POFUT3: variants seen among roughly 807,000 people sequenced by gnomAD.
POFUT3 encodes GDP-fucose protein O-fucosyltransferase 3.
chr8:33,407,987 CAAAAAAAA>C, the POFUT3 span, among the ~76,000 whole-genome samples: 1 of 83,766 alleles, frequency 1.2e-5, no homozygotes. Flanking sequence ...GACTCCATCT[CAAAAAAAA>C]AAAAAAAAAA....
the POFUT3 span, among the ~76,000 whole-genome samples, chr8:33,380,054 A>G: frequency 1.4e-5 from 1 of 72,792 alleles, no homozygotes; most frequent in African/African-American, 8.1e-5. Context: ...TATATACACT[A>G]TATATATACA....
the POFUT3 span, among the ~76,000 whole-genome samples, chr8:33,312,340 C>T: frequency 1.3e-5 from 2 of 151,692 alleles, no homozygotes; most frequent in African/African-American, 2.4e-5. Context: ...CATGTGATGA[C>T]AGAGGCAGAG....
chr8:33,390,320 G>A, the POFUT3 span, among the ~76,000 whole-genome samples: 1 of 152,036 alleles, frequency 6.6e-6, no homozygotes, highest in Non-Finnish European at 1.5e-5. Context: ...ACCAAAGAGG[G>A]GGACTATCAT....
the POFUT3 span, among the ~76,000 whole-genome samples, chr8:33,342,185 A>AAAAAAATT: frequency 2.0e-5 from 3 of 152,064 alleles, no homozygotes; most frequent in African/African-American, 4.8e-5. Flanking sequence ...TTTGTCTCAA[A>AAAAAAATT]AAAAAATTAA....
chr8:33,453,538 G>A, the POFUT3 span: 2 of 1,537,374 alleles, frequency 1.3e-6, no homozygotes, highest in Non-Finnish European at 1.8e-6. Flanking sequence ...TATTATCAGT[G>A]TCAAACTGTT....
the POFUT3 span, among the ~76,000 whole-genome samples, chr8:33,416,123 A>G: frequency 1.3e-5 from 2 of 152,248 alleles, no homozygotes; most frequent in South Asian, 2.1e-4. Flanking sequence ...CAAAATTAAG[A>G]GCAATATAAC....
At chr8:33,430,951 G>A in the POFUT3 span, among the ~76,000 whole-genome samples, 4 of 151,964 alleles carry the variant, frequency 2.6e-5, no homozygotes, top group African/African-American at 9.7e-5. Flanking sequence ...TGTATACTGT[G>A]GCAGACACTA....
the POFUT3 span, among the ~76,000 whole-genome samples, chr8:33,309,244 C>T: frequency 7.6e-6 from 1 of 130,894 alleles, no homozygotes; most frequent in African/African-American, 2.8e-5. Context: ...TTGCAAGTTG[C>T]TTATTACATC....
the POFUT3 span, chr8:33,389,792 T>A: frequency 6.2e-7 from 1 of 1,608,080 alleles, no homozygotes; most frequent in Non-Finnish European, 8.5e-7. Context: ...TATGTTAAAG[T>A]CAGTACCTAG....
chr8:33,326,851 C>T, the POFUT3 span, among the ~76,000 whole-genome samples: 16 of 152,292 alleles, frequency 1.1e-4, no homozygotes, highest in Admixed American at 3.3e-4. Context: ...GATCATAGCT[C>T]GCTGCATCCT....
the POFUT3 span, among the ~76,000 whole-genome samples, chr8:33,421,997 TAA>T: frequency 2.0e-5 from 3 of 148,220 alleles, no homozygotes; most frequent in Non-Finnish European, 3.0e-5. Flanking sequence ...GGTTTTTGTC[TAA>T]AAAAAAAACA....
At chr8:33,348,097 G>GA in the POFUT3 span, among the ~76,000 whole-genome samples, 2 of 150,092 alleles carry the variant, frequency 1.3e-5, no homozygotes, top group African/African-American at 4.9e-5. Context: ...AGAATTCCTT[G>GA]AACTCTGGAG....
the POFUT3 span, among the ~76,000 whole-genome samples, chr8:33,445,750 G>A: frequency 6.6e-6 from 1 of 152,178 alleles, no homozygotes; most frequent in African/African-American, 2.4e-5. Flanking sequence ...TCTGCAGAAA[G>A]AAGCTGGCTG....
the POFUT3 span, among the ~76,000 whole-genome samples, chr8:33,446,816 C>T: frequency 6.6e-6 from 1 of 152,122 alleles, no homozygotes; most frequent in African/African-American, 2.4e-5. Flanking sequence ...TTTACTGATT[C>T]TTTGTGAACT....
At chr8:33,451,066 A>ATGTGTGTG in the POFUT3 span, among the ~76,000 whole-genome samples, 16,468 of 147,988 alleles carry the variant, frequency 0.11, 1,000 homozygotes, top group Non-Finnish European at 0.14. Flanking sequence ...AAGGAGGTGT[A>ATGTGTGTG]TGTGTGTGTG....
the POFUT3 span, among the ~76,000 whole-genome samples, chr8:33,378,305 G>A: frequency 6.6e-6 from 1 of 152,280 alleles, no homozygotes; most frequent in East Asian, 1.9e-4. Context: ...CCAGATCCAA[G>A]GGAAAAATCT....
chr8:33,406,997 CCT>C, the POFUT3 span, among the ~76,000 whole-genome samples: 1 of 152,162 alleles, frequency 6.6e-6, no homozygotes, highest in Non-Finnish European at 1.5e-5. Context: ...GCCTCACAAA[CCT>C]TGTATAATAT....
the POFUT3 span, among the ~76,000 whole-genome samples, chr8:33,431,251 A>G: frequency 1.3e-5 from 2 of 152,086 alleles, no homozygotes; most frequent in African/African-American, 4.8e-5. Flanking sequence ...TGTGGCTAAA[A>G]GTATACCCTA....
chr8:33,379,726 G>C, the POFUT3 span, among the ~76,000 whole-genome samples: 6 of 149,850 alleles, frequency 4.0e-5, no homozygotes, highest in Non-Finnish European at 8.9e-5. Flanking sequence ...GTCCCAGCTA[G>C]TCAGGATGCT....
Sources: gnomAD v4.1 joint callset for allele counts (sites outside exome capture counted in the v4.1 genomes callset) on GRCh38, gnomAD v4.1.1 for gene constraint, MANE v1.5 for transcripts, NCBI Gene and HGNC (gene_info 2026-07-23, HGNC 2026-07-21) for gene names.